The following DEDD2 variants were observed in gnomAD, a reference collection of about 807,000 sequenced individuals.
DEDD2 encodes the protein death effector domain containing 2, also known as DNA-binding death effector domain-containing protein 2.
Under a neutral mutation model 28.9 loss-of-function variants are expected in DEDD2, and 18 were observed. The ratio of observed to expected loss-of-function variants is 0.62; its 90% CI spans 0.43 to 0.92. DEDD2 has a LOEUF of 0.92. Among genes scored for constraint, DEDD2 ranks in the 40% least tolerant of loss-of-function variants. The pLI, the probability that DEDD2 is intolerant of heterozygous loss-of-function variation, is 0.00. For synonymous variants in DEDD2, 211 were observed against 206.1 expected (o/e 1.02, Z -0.20); for missense variants, 411 against 463.3 (o/e 0.89, Z 1.04).
At chr19:42,203,216 T>TA (rs1191778648) in intron 4 of DEDD2, among the ~76,000 whole-genome samples, 1 of 152,078 alleles carries the variant, frequency 6.6e-6, no homozygotes, top group East Asian at 1.9e-4. Flanking sequence ...CACAGAACCA[T>TA]ACACATCAAA....
At position 42,217,026 on chromosome 19, in the gene DEDD2, G is replaced by T. The variant is rs763441484; in HGVS notation, c.-19C>A. 3.8e-6 allele frequency: 6 copies of T among 1,562,176 alleles called. No homozygotes were observed. In the African/African-American group the frequency reaches 8.2e-5, roughly 21 times the overall value. ...GCGCCATTCCCGGGGGAGGGAGGCG[G>T]AACAAGCTCAGAACCCGGCCTAGAA... On this transcript the variant is annotated 5_prime_UTR_variant, in exon 2 of 5. Coordinates refer to ENST00000596251, the MANE Select transcript of DEDD2 (RefSeq NM_133328.4).
At chr19:42,205,671 A>T (rs1003449517) in intron 4 of DEDD2, among the ~76,000 whole-genome samples, 3 of 152,150 alleles carry the variant, frequency 2.0e-5, no homozygotes, top group Admixed American at 2.0e-4. Context: ...AAACATCTAC[A>T]GATGAGATCA....
At chr19:42,219,600 TCAAA>T (rs918692852), upstream of DEDD2, among the ~76,000 whole-genome samples, 14 of 152,298 alleles carry the variant, frequency 9.2e-5, no homozygotes, top group African/African-American at 3.1e-4. Context: ...AGACTCCGTC[TCAAA>T]CAAACAAACA....
At chr19:42,209,234 G>C (rs1366705980) in intron 4 of DEDD2, among the ~76,000 whole-genome samples, 3 of 151,714 alleles carry the variant, frequency 2.0e-5, no homozygotes, top group Non-Finnish European at 4.4e-5. Context: ...GAGGGAGATG[G>C]CGTCTCAAAA....
chr19:42,213,323 A>G (rs1362197719), intron 3 of DEDD2, among the ~76,000 whole-genome samples: 3 of 152,266 alleles, frequency 2.0e-5, no homozygotes, highest in Admixed American at 1.3e-4. Context: ...CACCAATGTG[A>G]TAACTGGTTC....
Position 42,199,576 on chromosome 19 carries a change from A to C in DEDD2, c.843T>G (p.Thr281=), listed in dbSNP as rs765880016. The C allele has an allele frequency of 6.2e-7, 1 of 1,614,086 alleles. No homozygotes were observed. Among genetic ancestry groups the C allele is most frequent in the Non-Finnish European group, 8.5e-7 (1 of 1,179,970 alleles). ...LLQALRGVFL[T]EALREAVGRE... is the part of the protein sequence containing the mutation. ...GGCCCACAGCCTCTCGCAGGGCCTC[A>C]GTCAGGAACACGCCCCGCAGGGCCT... The change falls in exon 5 of 5, where the codon ACT becomes ACG. Residue 281 remains threonine (T), a synonymous_variant. Transcript: ENST00000596251. The surrounding 1 kb of genome is among the most constrained non-coding windows in gnomAD (Gnocchi z 7.4).
chr19:42,216,820 C>A lies in DEDD2; in HGVS notation c.188G>T (p.Arg63Leu). The change falls in exon 2 of 5, where the codon CGC becomes CTC. Residue 63 changes from arginine (R) to leucine (L), a missense_variant. Physicochemically the swap from Arg to Leu is moderately radical, Grantham distance 102 (BLOSUM62 -2). Around this residue, in one of 2 missense-constraint regions of DEDD2, gnomAD observed 282 missense variants for 273.4 expected, o/e 1.03. Transcript: ENST00000596251. ...CTCCAGCAGGAGCTCTAGGCCGCTG[C>A]GGGCCCGGGCTAAGCCTCCGGCGGC... ...PGAAGGLARARSGLELLLELE... is the reference protein window; with the variant it reads ...PGAAGGLARALSGLELLLELE... 1.3e-6 allele frequency: 2 copies of A among 1,582,452 alleles called. No individual in the cohort carries two copies.
At chr19:42,204,377 C>G (rs926458375) in intron 4 of DEDD2, 1 of 152,026 alleles carries the variant, frequency 6.6e-6, no homozygotes, top group Non-Finnish European at 1.5e-5. Flanking sequence ...TCATGAATCC[C>G]TTGGTGATGA....
At chr19:42,215,086 T>A in intron 3 of DEDD2, 47 bp downstream of exon 3, 2 of 1,608,438 alleles carry the variant, frequency 1.2e-6, no homozygotes, top group Non-Finnish European at 1.7e-6. Flanking sequence ...GCACAATTCA[T>A]AAGGAAAAGA....
chr19:42,218,264 C>T (rs999268591), upstream of DEDD2, among the ~76,000 whole-genome samples: 7 of 136,556 alleles, frequency 5.1e-5, no homozygotes, highest in African/African-American at 1.9e-4. Context: ...TCTATAAGTT[C>T]CTTCCCCTGA....
intron 4 of DEDD2, among the ~76,000 whole-genome samples, chr19:42,203,116 A>G (rs2035396016): frequency 1.3e-5 from 2 of 152,230 alleles, no homozygotes; most frequent in South Asian, 4.1e-4. Context: ...TAAGGCCACC[A>G]GATAGGAAAT....
At position 42,217,049 on chromosome 19, in the gene DEDD2, G is replaced by A. The variant is rs375900943; in HGVS notation, c.-38-4C>T. On this transcript the variant is annotated splice_polypyrimidine_tract_variant and splice_region_variant and intron_variant, in intron 1 of 4. Transcript: ENST00000596251. ...CGGAACAAGCTCAGAACCCGGCCTA[G>A]AACCCACACAGCGGGGAGGGGGCAG... 1.9e-6 allele frequency: 3 copies of A among 1,545,242 alleles called. No individual in the cohort carries two copies. Among genetic ancestry groups the A allele is most frequent in the South Asian group, 2.4e-5 (2 of 84,192 alleles).
upstream of DEDD2, among the ~76,000 whole-genome samples, chr19:42,219,759 A>G (rs1461560021): frequency 6.6e-6 from 1 of 152,210 alleles, no homozygotes; most frequent in East Asian, 1.9e-4. Context: ...AAATCAAACG[A>G]AGAGTAGGGA....
intron 4 of DEDD2, among the ~76,000 whole-genome samples, chr19:42,202,415 G>A (rs1342738534): frequency 6.6e-6 from 1 of 152,118 alleles, no homozygotes. Flanking sequence ...GGCTCAGCTC[G>A]TGGGAGCCCC....
At chr19:42,200,404 T>C (rs914246491) in intron 4 of DEDD2, among the ~76,000 whole-genome samples, 2 of 152,246 alleles carry the variant, frequency 1.3e-5, no homozygotes, top group African/African-American at 2.4e-5. Flanking sequence ...AACTAATGCA[T>C]GAACTAATGG....
intron 3 of DEDD2, among the ~76,000 whole-genome samples, chr19:42,211,069 C>CAA (rs750942650): frequency 2.3e-4 from 12 of 51,690 alleles, no homozygotes; most frequent in Admixed American, 6.3e-4. Context: ...GACCCTGTCT[C>CAA]AAAAAAAAAA....
upstream of DEDD2, chr19:42,220,077 A>G (rs913699191): frequency 9.2e-5 from 14 of 152,222 alleles, no homozygotes; most frequent in African/African-American, 3.4e-4. Flanking sequence ...CGCTCACCAA[A>G]GGTTGCCCGA....
At chr19:42,201,611 C>G (rs535283227) in intron 4 of DEDD2, 1 of 170,254 alleles carries the variant, frequency 5.9e-6, no homozygotes, top group African/African-American at 2.4e-5. Context: ...TCAACTTTCA[C>G]AGACCATGTC....
intron 3 of DEDD2, among the ~76,000 whole-genome samples, chr19:42,212,927 A>T (rs922629434): frequency 2.0e-5 from 3 of 152,208 alleles, no homozygotes; most frequent in Non-Finnish European, 4.4e-5. Flanking sequence ...ATACTAACAG[A>T]AACTTTTTGA....
Sources: allele counts gnomAD v4.1 joint callset (sites outside exome capture counted in the v4.1 genomes callset), GRCh38; gene constraint gnomAD v4.1.1; regional missense constraint gnomAD v4.1.1; non-coding constraint Gnocchi (gnomAD v3.1); transcripts MANE v1.5; gene names NCBI Gene and HGNC (gene_info 2026-07-23, HGNC 2026-07-21).